VWA8: variants seen among roughly 807,000 people sequenced by gnomAD.
The protein encoded by VWA8 is von Willebrand factor A domain containing 8, also known as von Willebrand factor A domain-containing protein 8.
A neutral mutation model predicts 241.5 loss-of-function variants in VWA8; 221 were observed. That is an observed-to-expected ratio of 0.91 (90% CI 0.82 to 1.02). The LOEUF is 1.02. Ranked by LOEUF, VWA8 falls within the 50% of genes least tolerant of loss-of-function variation. VWA8 has a pLI of 0.00. For missense variants in VWA8, 2,322 were observed against 2,328.7 expected, an observed-to-expected ratio of 1.00 and a Z score of 0.06; for synonymous variants, 852 against 827.1, an observed-to-expected ratio of 1.03 and a Z score of -0.52.
intron 17 of VWA8, among the ~76,000 whole-genome samples, chr13:41,788,988 T>C (rs371815441): frequency 2.0e-5 from 3 of 152,268 alleles, no homozygotes; most frequent in South Asian, 2.1e-4. Flanking sequence ...TTCACCAATA[T>C]TGGCAGGCAT....
At chr13:41,575,278 G>A (rs2044343219) in intron 43 of VWA8, among the ~76,000 whole-genome samples, 2 of 152,054 alleles carry the variant, frequency 1.3e-5, no homozygotes, top group Admixed American at 6.6e-5. Flanking sequence ...GTTCTCAGGG[G>A]GGTGAGGGAT....
At chr13:41,927,168 T>C (rs931493065) in intron 2 of VWA8, 6 of 438,138 alleles carry the variant, frequency 1.4e-5, no homozygotes, top group Admixed American at 8.1e-5. Flanking sequence ...ATTTCACAGA[T>C]GAAAACTTCT....
intron 17 of VWA8, among the ~76,000 whole-genome samples, chr13:41,796,158 A>G (rs998472169): frequency 6.6e-6 from 1 of 152,154 alleles, no homozygotes; most frequent in Non-Finnish European, 1.5e-5. Flanking sequence ...TGCATAATTT[A>G]TAATTTTCCT....
rs1175251918 is a variant in VWA8, at chr13:41,699,121, C to T, written c.3514G>A (p.Ala1172Thr). Reference sequence around the variant, plus strand: ...CCTTTGAGAGGACTTCCCAGCGGTGCCACTGTCACAAAAGGGTGCCAAACG... The same window carrying T: ...CCTTTGAGAGGACTTCCCAGCGGTGTCACTGTCACAAAAGGGTGCCAAACG... ...NGVWHPFVTV[A>T]PLGSPLKGQV... Residue 1172 changes from alanine to threonine, a missense_variant, in exon 29 of 45, where the codon GCA becomes ACA. Coordinates refer to ENST00000379310, the MANE Select transcript of VWA8 (RefSeq NM_015058.2). 2.5e-6 allele frequency: 4 copies of T among 1,614,080 alleles called. No individual in the cohort carries two copies. The highest frequency in any genetic ancestry group is 3.4e-6 in the Non-Finnish European group (4 of 1,179,962).
intron 37 of VWA8, among the ~76,000 whole-genome samples, chr13:41,669,868 T>C (rs557407926): frequency 1.3e-5 from 2 of 152,324 alleles, no homozygotes; most frequent in Non-Finnish European, 2.9e-5. Context: ...AATCAGTCCA[T>C]GGCACTTACT....
In VWA8 at chr13:41,580,620, C is replaced by T. The variant is rs539369564; in HGVS notation, c.5272-4782G>A. 2.6e-5 allele frequency among the ~76,000 whole-genome samples: 4 copies of T among 152,226 alleles called. No individual in the cohort carries two copies. The South Asian group carries it at 8.3e-4, about 32-fold the overall frequency. On this transcript the variant is annotated intron_variant, in intron 42 of 44. Transcript: ENST00000379310. ...GGGTAGGAGAAGACAGAGTACCTTA[C>T]ATAAATGATACACTTGCTCCTGAAT... is the stretch of plus-strand genomic sequence containing the variant.
intron 37 of VWA8, 47 bp downstream of exon 37, chr13:41,670,899 A>G (rs1401313387): frequency 6.2e-6 from 10 of 1,600,376 alleles, no homozygotes; most frequent in Non-Finnish European, 8.5e-6. Flanking sequence ...AACTAAATTT[A>G]TACTTGAATG....
At chr13:41,740,011 T>C (rs1173886947) in intron 21 of VWA8, among the ~76,000 whole-genome samples, 2 of 151,746 alleles carry the variant, frequency 1.3e-5, no homozygotes, top group Non-Finnish European at 2.9e-5. Flanking sequence ...CCTGCCACCA[T>C]GCCCGGCTAA....
intron 40 of VWA8, among the ~76,000 whole-genome samples, chr13:41,601,411 C>T (rs1294383113): frequency 2.0e-5 from 3 of 152,046 alleles, no homozygotes; most frequent in Non-Finnish European, 2.9e-5. Flanking sequence ...TATTTTGAAA[C>T]ACCACAGGGG....
intron 2 of VWA8, among the ~76,000 whole-genome samples, chr13:41,949,534 T>A (rs1016946881): frequency 1.3e-5 from 2 of 151,950 alleles, no homozygotes; most frequent in African/African-American, 4.8e-5. Context: ...AGATGACCGG[T>A]TGATGGGTGC....
rs112046677 is a variant in VWA8, at chr13:41,763,372, G to C, written c.2350-2168C>G. ...AGATAAAGTGGGATAAATTTTAAAA[G>C]TGATTTATTTCGCCTACAAAAGATT... On this transcript the variant is annotated intron_variant, in intron 20 of 44. Coordinates refer to ENST00000379310, the MANE Select transcript of VWA8 (RefSeq NM_015058.2). 6.1e-3 allele frequency among the ~76,000 whole-genome samples: 930 copies of C among 152,120 alleles called. 8 individuals are homozygous for C. The highest frequency in any genetic ancestry group is 0.021 in the African/African-American group (888 of 41,518).
At chr13:41,833,092 T>C (rs913450105) in intron 13 of VWA8, among the ~76,000 whole-genome samples, 1 of 152,002 alleles carries the variant, frequency 6.6e-6, no homozygotes, top group Non-Finnish European at 1.5e-5. Flanking sequence ...ATATATAAAG[T>C]TTTTCAAACT....
chr13:41,604,167 C>T (rs534859977), intron 40 of VWA8, among the ~76,000 whole-genome samples: 1 of 152,260 alleles, frequency 6.6e-6, no homozygotes, highest in South Asian at 2.1e-4. Flanking sequence ...GCCAACCTGG[C>T]AGTGTCCTGG....
chr13:41,736,089 AAC>A (rs1410695335), intron 21 of VWA8, among the ~76,000 whole-genome samples: 1 of 152,196 alleles, frequency 6.6e-6, no homozygotes, highest in African/African-American at 2.4e-5. Flanking sequence ...GAAAACTTAA[AAC>A]ACATTTTAGT....
intron 21 of VWA8, among the ~76,000 whole-genome samples, chr13:41,738,778 A>G (rs779419748): frequency 6.6e-6 from 1 of 152,220 alleles, no homozygotes; most frequent in Non-Finnish European, 1.5e-5. Flanking sequence ...TTATTTGAAC[A>G]GAAAAACACA....
intron 12 of VWA8, among the ~76,000 whole-genome samples, chr13:41,835,106 A>G (rs1871660332): frequency 6.6e-6 from 1 of 152,216 alleles, no homozygotes; most frequent in Non-Finnish European, 1.5e-5. Flanking sequence ...GAGGAGGGAT[A>G]GCATCAGGAA....
intron 40 of VWA8, among the ~76,000 whole-genome samples, chr13:41,601,390 G>A (rs1323381842): frequency 5.3e-5 from 8 of 152,054 alleles, no homozygotes; most frequent in Non-Finnish European, 1.0e-4. Context: ...CTATTTATCT[G>A]AACAAAAGCT....
chr13:41,780,420 C>T (rs1474323294), intron 19 of VWA8, among the ~76,000 whole-genome samples: 1 of 152,116 alleles, frequency 6.6e-6, no homozygotes, highest in African/African-American at 2.4e-5. Flanking sequence ...ATTCTTTATC[C>T]TGTATCTTTT....
At chr13:41,905,946 A>G (rs4942081) in intron 4 of VWA8, among the ~76,000 whole-genome samples, 5,904 of 152,154 alleles carry the variant, frequency 0.039, 366 homozygotes, top group Admixed American at 0.17. Flanking sequence ...GAAGTAATCT[A>G]TGAAGTGAAC....
Sources: allele counts gnomAD v4.1 joint callset (sites outside exome capture counted in the v4.1 genomes callset), GRCh38; gene constraint gnomAD v4.1.1; transcripts MANE v1.5; gene names NCBI Gene and HGNC (gene_info 2026-07-23, HGNC 2026-07-21).